Variants in PRR5 observed in about 807,000 individuals in gnomAD.
The protein encoded by PRR5 is proline rich 5, also known as proline-rich protein 5.
PRR5 carries 25 observed loss-of-function variants against 30.6 expected under a neutral mutation model. The ratio of observed to expected loss-of-function variants is 0.82; its 90% CI spans 0.60 to 1.14. The LOEUF (loss-of-function observed/expected upper bound fraction) is 1.14, where lower values mean the gene tolerates loss of function less well. Among genes scored for constraint, PRR5 ranks in the 50% most tolerant of loss-of-function variants. The pLI, the probability that PRR5 is intolerant of heterozygous loss-of-function variation, is 0.00. For missense variants in PRR5, 600 were observed against 547.1 expected, an observed-to-expected ratio of 1.10 and a Z score of -0.96; for synonymous variants, 286 against 247.1, an observed-to-expected ratio of 1.16 and a Z score of -1.48.
At chr22:44,717,107 A>G (rs1274045996) in intron 2 of PRR5, among the ~76,000 whole-genome samples, 1 of 151,946 alleles carries the variant, frequency 6.6e-6, no homozygotes, top group East Asian at 1.9e-4. Context: ...TAAATCCATA[A>G]TTGGTCACTA....
intron 1 of PRR5, among the ~76,000 whole-genome samples, chr22:44,677,766 G>T (rs1923894329): frequency 6.6e-6 from 1 of 152,194 alleles, no homozygotes; most frequent in Non-Finnish European, 1.5e-5. Flanking sequence ...TGGACAGGTT[G>T]CTTCACCTCT....
chr22:44,726,732 T>C, intron 4 of PRR5, 98 bp downstream of exon 4: 1 of 1,567,004 alleles, frequency 6.4e-7, no homozygotes, highest in Non-Finnish European at 8.7e-7. Flanking sequence ...GGGTGCAAGG[T>C]GTGGCTCTCT....
upstream of PRR5, among the ~76,000 whole-genome samples, chr22:44,673,311 T>C (rs73171591): frequency 0.1 from 15,386 of 152,258 alleles, 2,148 homozygotes; most frequent in African/African-American, 0.32. Context: ...GAAACAGGAA[T>C]TTTGATTTCT....
chr22:44,730,817 T>G (rs1307629528), intron 4 of PRR5: 1 of 455,024 alleles, frequency 2.2e-6, no homozygotes, highest in East Asian at 1.0e-4. Context: ...CTGGGTCCTC[T>G]GGGCCACTGA....
At chr22:44,679,239 C>CAG (rs1924043923) in intron 1 of PRR5, 1 of 144,470 alleles carries the variant, frequency 6.9e-6, no homozygotes, top group Non-Finnish European at 1.5e-5. Flanking sequence ...GTCCCACAAA[C>CAG]ACACAGACAG....
intron 1 of PRR5, 142 bp downstream of exon 1, chr22:44,702,750 C>G: frequency 8.4e-7 from 1 of 1,184,464 alleles, no homozygotes; most frequent in Non-Finnish European, 1.1e-6. Flanking sequence ...AAGAACTTGC[C>G]CCGCCGGAGT....
At chr22:44,676,570 G>C (rs938000958), upstream of PRR5, among the ~76,000 whole-genome samples, 1 of 152,030 alleles carries the variant, frequency 6.6e-6, no homozygotes, top group Non-Finnish European at 1.5e-5. Context: ...GCAGGATGGG[G>C]GGTTCGACTG....
At chr22:44,704,312 G>C (rs57877414) in intron 1 of PRR5, among the ~76,000 whole-genome samples, 14,075 of 152,140 alleles carry the variant, frequency 0.093, 1,020 homozygotes, top group African/African-American at 0.21. Flanking sequence ...CACCCCCGAG[G>C]TGGGGCGTCC....
rs941347481 is a variant in PRR5 at position 44,691,097 on chromosome 22, C to A, written c.-10-11395C>A. 4.6e-5 allele frequency among the ~76,000 whole-genome samples: 7 copies of A among 151,846 alleles called. No homozygotes were observed. Among genetic ancestry groups the A allele is most frequent in the South Asian group, 2.1e-4 (1 of 4,812 alleles). On this transcript the variant is annotated intron_variant, in intron 1 of 8. Transcript: ENST00000006251. The surrounding 1 kb of genome is among the most constrained non-coding windows in gnomAD (Gnocchi z 4.4). ...GCGGGGAGGCAGGAGAGTCCTGAGCCCCCGAGGGCTGTGTGGTGGAGGGGG... is the reference window on the plus strand; with the variant it reads ...GCGGGGAGGCAGGAGAGTCCTGAGCACCCGAGGGCTGTGTGGTGGAGGGGG...
chr22:44,733,000 A>G (rs368105796), intron 6 of PRR5, among the ~76,000 whole-genome samples: 14 of 134,068 alleles, frequency 1.0e-4, no homozygotes, highest in Middle Eastern at 4.0e-3. Context: ...GTGCGCGCAC[A>G]CATACTACAC....
chr22:44,668,994 A>G (rs1228371362), intron 1 of PRR5, among the ~76,000 whole-genome samples: 2 of 148,778 alleles, frequency 1.3e-5, no homozygotes, highest in Non-Finnish European at 3.0e-5. Context: ...AGGGTGGGGT[A>G]GGGGTCGGAC....
intron 1 of PRR5, among the ~76,000 whole-genome samples, chr22:44,685,766 T>A (rs2146955608): frequency 6.6e-6 from 1 of 152,332 alleles, no homozygotes; most frequent in African/African-American, 2.4e-5. Flanking sequence ...CTACACAGAA[T>A]CCCAAGCACC....
At chr22:44,722,141 G>A (rs894695991) in intron 2 of PRR5, among the ~76,000 whole-genome samples, 8 of 152,208 alleles carry the variant, frequency 5.3e-5, no homozygotes, top group Admixed American at 2.6e-4. Flanking sequence ...ATGCCACTGC[G>A]CTGATTTCAC....
chr22:44,735,219 T>C (rs930386707), intron 7 of PRR5, 57 bp downstream of exon 7: 16 of 1,542,238 alleles, frequency 1.0e-5, no homozygotes, highest in African/African-American at 4.1e-5. Context: ...CCCCATCCAT[T>C]GTGAACAAAT....
Position 44,731,842 on chromosome 22 carries a change from G to A in PRR5, c.414+21G>A, listed in dbSNP as rs759813458. 2.5e-6 allele frequency: 4 copies of A among 1,608,272 alleles called. No homozygotes were observed. The African/African-American group carries it at 5.3e-5, about 21-fold the overall frequency. ...TGCAGGTGGGCAGCCCAGCCCTGGG[G>A]AGGGAAGCCCAGTGCCCCTGCTGTG... On this transcript the variant is annotated intron_variant, in intron 5 of 7. Transcript: ENST00000336985.
chr22:44,732,537 G>T, intron 6 of PRR5, 146 bp downstream of exon 6: 1 of 1,292,634 alleles, frequency 7.7e-7, no homozygotes, highest in Non-Finnish European at 1.0e-6. Context: ...TCAGGGCCAG[G>T]GACCGGGGAG....
At chr22:44,673,310 A>G (rs1042672212), upstream of PRR5, among the ~76,000 whole-genome samples, 1 of 152,216 alleles carries the variant, frequency 6.6e-6, no homozygotes, top group African/African-American at 2.4e-5. Context: ...TGAAACAGGA[A>G]TTTTGATTTC....
rs771214735 is a variant in PRR5 at position 44,732,222 on chromosome 22, C to CGGTGG, written c.415-19_415-15dup. On this transcript the variant is annotated intron_variant, in intron 5 of 7. Transcript: ENST00000336985. ...AGATGAGGACGCATGTGACCACAGC[C>CGGTGG]GGTGGGGTGGGGTGCCTTCCGTCCA... 3.7e-6 allele frequency: 6 copies of CGGTGG among 1,606,956 alleles called. No homozygotes were observed. In the East Asian group the frequency reaches 6.7e-5, roughly 18 times the overall value.
chr22:44,672,124 CAG>C (rs938192042), upstream of PRR5, among the ~76,000 whole-genome samples: 5 of 152,216 alleles, frequency 3.3e-5, no homozygotes, highest in African/African-American at 1.2e-4. Flanking sequence ...GAGATAAATA[CAG>C]TGCTCACTCT....
Sources: gnomAD v4.1 joint callset for allele counts (sites outside exome capture counted in the v4.1 genomes callset) on GRCh38, gnomAD v4.1.1 for gene constraint, Gnocchi (gnomAD v3.1) non-coding constraint, MANE v1.5 for transcripts, NCBI Gene and HGNC (gene_info 2026-07-23, HGNC 2026-07-21) for gene names.